MEGF6: variants seen among roughly 807,000 people sequenced by gnomAD.
The protein encoded by MEGF6 is multiple EGF like domains 6, also known as multiple epidermal growth factor-like domains protein 6.
A neutral mutation model predicts 207.1 loss-of-function variants in MEGF6; 184 were observed. The observed-to-expected ratio is 0.89, with a 90% CI of 0.79 to 1.00. The LOEUF (loss-of-function observed/expected upper bound fraction) is 1.00. Among genes scored for constraint, MEGF6 ranks in the 50% least tolerant of loss-of-function variants. The pLI is 0.00. For missense variants in MEGF6, 2,282 were observed against 2,202.9 expected, an observed-to-expected ratio of 1.04 and a Z score of -0.72; for synonymous variants, 1,038 against 910.0, an observed-to-expected ratio of 1.14 and a Z score of -2.53.
intron 17 of MEGF6, among the ~76,000 whole-genome samples, chr1:3,503,383 T>C (rs1176967707): frequency 6.6e-6 from 1 of 151,986 alleles, no homozygotes; most frequent in African/African-American, 2.4e-5. Context: ...ATAAAGAGTG[T>C]TGATCTTTCT....
At chr1:3,585,707 G>A (rs1385514260) in intron 3 of MEGF6, among the ~76,000 whole-genome samples, 1 of 141,938 alleles carries the variant, frequency 7.0e-6, no homozygotes, top group Non-Finnish European at 1.5e-5. Context: ...TATGTCCTGT[G>A]TGTGGGTGTG....
chr1:3,574,001 C>T (rs547171522), intron 4 of MEGF6, among the ~76,000 whole-genome samples: 1 of 152,308 alleles, frequency 6.6e-6, no homozygotes. Flanking sequence ...GGCATAGCCT[C>T]AGGGCCCCAA....
intron 2 of MEGF6, among the ~76,000 whole-genome samples, chr1:3,595,905 G>A (rs75124866): frequency 0.1 from 15,247 of 152,202 alleles, 784 homozygotes; most frequent in African/African-American, 0.11. Context: ...GCCCGGGACC[G>A]GGTGGGCTGT....
At chr1:3,620,510 G>A in the MEGF6 span, among the ~76,000 whole-genome samples, 1 of 152,210 alleles carries the variant, frequency 6.6e-6, no homozygotes, top group African/African-American at 2.4e-5. Context: ...AGATTTCAGA[G>A]GATGTATGGA....
Position 3,493,819 on chromosome 1 carries a change from C to A in MEGF6, c.4339G>T (p.Gly1447Cys), listed in dbSNP as rs772818015. The part of the protein sequence containing the change: ...DGGAPCDPVT[G>C]LCLCPPGRSG... ...CGCCCTGGTGGGCAAAGGCAGAGAC[C>A]GGTGACAGGGTCACAGGGTGCCCCC... is the stretch of plus-strand genomic sequence containing the variant. Residue 1447 changes from glycine (G) to cysteine (C), a missense_variant, in exon 34 of 37, where the codon GGT becomes TGT. Coordinates refer to ENST00000356575, the MANE Select transcript of MEGF6 (RefSeq NM_001409.4). 2 of 1,609,770 alleles carry A rather than the reference C, an allele frequency of 1.2e-6. No homozygotes were observed. Among genetic ancestry groups the A allele is most frequent in the East Asian group, 2.2e-5 (1 of 44,678 alleles).
chr1:3,564,775 C>A (rs1287662468), intron 4 of MEGF6, among the ~76,000 whole-genome samples: 1 of 152,108 alleles, frequency 6.6e-6, no homozygotes, highest in Non-Finnish European at 1.5e-5. Context: ...GCACCAGGCT[C>A]CCCCAAAGCT....
intron 7 of MEGF6, among the ~76,000 whole-genome samples, 197 bp downstream of exon 7, chr1:3,514,353 C>T (rs548662203): frequency 1.1e-3 from 169 of 152,310 alleles, no homozygotes; most frequent in Admixed American, 1.8e-3. Flanking sequence ...GCAGCTTTTG[C>T]GAGCCTTCCT....
chr1:3,510,830 C>T lies in MEGF6; in HGVS notation c.1187G>A (p.Gly396Asp), dbSNP rs201998573. The change falls in exon 10 of 37, where the codon GGC (glycine) becomes GAC (aspartate). Residue 396 changes from glycine (G) to aspartate (D), a missense_variant. Gly to Asp is a moderately conservative substitution (Grantham distance 94). Transcript: ENST00000356575. The stretch of plus-strand genomic sequence containing the variant: ...ACTGAGCCGGTAGCCGGCGTAGCAG[C>T]CGCACTCGTACCCGCCAGGGTTGTT... ...CTNNPGGYEC[G>D]CYAGYRLSAD... 12 of 1,610,784 alleles carry T rather than the reference C, an allele frequency of 7.4e-6. No homozygotes were observed. The highest frequency in any genetic ancestry group is 1.0e-5 in the Non-Finnish European group (12 of 1,178,412).
chr1:3,531,333 G>A (rs1034180520), intron 4 of MEGF6: 1 of 1,221,256 alleles, frequency 8.2e-7, no homozygotes, highest in Non-Finnish European at 1.0e-6. Flanking sequence ...AGGCGGCTCG[G>A]GCTGGTTCTG....
chr1:3,618,610 C>T, the MEGF6 span, among the ~76,000 whole-genome samples: 2 of 152,180 alleles, frequency 1.3e-5, no homozygotes, highest in African/African-American at 4.8e-5. This position sits in a 1 kb window ranked among gnomAD's most constrained non-coding sequence, Gnocchi z 4.7. Context: ...CCTTCCCCGC[C>T]GGCAGGGAGA....
chr1:3,501,817 T>A lies in MEGF6; in HGVS notation c.2293A>T (p.Thr765Ser), dbSNP rs1640881543. The A allele has an allele frequency of 6.2e-7, 1 of 1,609,610 alleles. No individual in the cohort carries two copies. The highest frequency in any genetic ancestry group is 8.5e-7 in the Non-Finnish European group (1 of 1,178,694). ...TCACCTGCCTCACAGTCTTCCCCAG[T>A]CCTCCCCGGCGGACACCGGCACTGC... ...TGQCRCPPGR[T>S]GEDCEADCPE... Residue 765 changes from threonine to serine, a missense_variant, in exon 18 of 37, where the codon ACT becomes TCT. By Grantham distance (58) the Thr-to-Ser change is moderately conservative (BLOSUM62 1). Coordinates refer to ENST00000356575, the MANE Select transcript of MEGF6 (RefSeq NM_001409.4).
chr1:3,620,598 G>A, the MEGF6 span, among the ~76,000 whole-genome samples: 1 of 152,256 alleles, frequency 6.6e-6, no homozygotes, highest in African/African-American at 2.4e-5. Context: ...CAATGCAGAG[G>A]GGAAATGTGG....
At position 3,517,585 on chromosome 1, in the gene MEGF6, G is replaced by A. The variant is rs367718001; in HGVS notation, c.605-2058C>T. ...ATGCAGCTCAGGAGGGGCCACCCCT[G>A]CGTGGCCAGTGCCCAGCACTGCTAG... On this transcript the variant is annotated intron_variant, in intron 5 of 36. Transcript: ENST00000356575. Among the ~76,000 whole-genome samples the A allele has an allele frequency of 6.8e-4, 104 of 152,360 alleles. 1 individual carries two copies. Among genetic ancestry groups the A allele is most frequent in the African/African-American group, 2.4e-3 (99 of 41,586 alleles).
Position 3,490,931 on chromosome 1 carries a change from C to G in MEGF6, c.4545G>C (p.Pro1515=), listed in dbSNP as rs756253148. 14 of 1,600,968 alleles carry G rather than the reference C, an allele frequency of 8.7e-6. No individual in the cohort carries two copies. In the South Asian group the frequency reaches 1.6e-4, roughly 18 times the overall value. Residue 1515 remains proline, a synonymous_variant, in exon 36 of 37, where the codon CCG becomes CCC. Coordinates refer to ENST00000356575, the MANE Select transcript of MEGF6 (RefSeq NM_001409.4). ...CCTTACCTGAGCCCTGGGCTAAGGA[C>G]GGGTTCTCGGGGAGCCGGAGGGGCC... is the stretch of plus-strand genomic sequence containing the variant. ...EGGPLRLPEN[P]SLAQGSAGTL...
chr1:3,491,128 TGG>T (rs34728586), intron 35 of MEGF6, among the ~76,000 whole-genome samples, 169 bp from the exon 36 acceptor site: 26,064 of 130,456 alleles, frequency 0.2, 4,078 homozygotes, highest in African/African-American at 0.42. Context: ...GGGCGGGAGC[TGG>T]GGGGGGGGGC....
intron 4 of MEGF6, among the ~76,000 whole-genome samples, chr1:3,540,302 C>T (rs1642473999): frequency 2.0e-5 from 3 of 152,266 alleles, no homozygotes; most frequent in Admixed American, 2.0e-4. Flanking sequence ...CACAGACGCC[C>T]TGTCGGAAAT....
intron 4 of MEGF6, among the ~76,000 whole-genome samples, chr1:3,525,799 G>A (rs905759758): frequency 3.3e-5 from 5 of 152,242 alleles, no homozygotes; most frequent in Admixed American, 6.5e-5. Context: ...GGAACGCAGC[G>A]GGAAAGCACA....
At chr1:3,603,669 C>A (rs1644197418) in intron 1 of MEGF6, among the ~76,000 whole-genome samples, 1 of 151,924 alleles carries the variant, frequency 6.6e-6, no homozygotes. Context: ...GGCATGGGTT[C>A]CCCCAGCCTC....
chr1:3,614,411 A>T (rs1644361839), upstream of MEGF6, among the ~76,000 whole-genome samples: 1 of 152,210 alleles, frequency 6.6e-6, no homozygotes, highest in Non-Finnish European at 1.5e-5. Flanking sequence ...TGTGTGTTTA[A>T]TACACTTCTG....
Sources: allele counts gnomAD v4.1 joint callset (sites outside exome capture counted in the v4.1 genomes callset), GRCh38; gene constraint gnomAD v4.1.1; non-coding constraint Gnocchi (gnomAD v3.1); transcripts MANE v1.5; gene names NCBI Gene and HGNC (gene_info 2026-07-23, HGNC 2026-07-21).